ZPBP: variants seen among roughly 807,000 people sequenced by gnomAD.
The protein encoded by ZPBP is zona pellucida binding protein, also known as zona pellucida-binding protein 1.
ZPBP carries 26 observed loss-of-function variants against 44.8 expected under a neutral mutation model. The ratio of observed to expected loss-of-function variants is 0.58; its 90% CI spans 0.43 to 0.81. ZPBP has a LOEUF of 0.81. Among genes scored for constraint, ZPBP ranks in the 30% least tolerant of loss-of-function variants. ZPBP has a pLI of 0.00. For synonymous variants in ZPBP, 174 were observed against 153.2 expected (o/e 1.14, Z -1.00); for missense variants, 409 against 434.0 (o/e 0.94, Z 0.51).
At chr7:49,877,481 A>AAAAAAAAATATACATATATATATATAT in intron 2 of ZPBP, among the ~76,000 whole-genome samples, 3 of 12,726 alleles carry the variant, frequency 2.4e-4, no homozygotes, top group Admixed American at 1.4e-3. Context: ...AAAAAAAAAA[A>AAAAAAAAATATACATATATATATATAT]ATATATATAT....
chr7:49,849,162 G>A (rs1790076098), downstream of ZPBP, among the ~76,000 whole-genome samples: 1 of 152,078 alleles, frequency 6.6e-6, no homozygotes, highest in Admixed American at 6.5e-5. Flanking sequence ...ACAGTCCCAG[G>A]GAAACCCCAC....
intron 2 of ZPBP, among the ~76,000 whole-genome samples, chr7:49,856,388 CCTT>C (rs1481903442): frequency 6.6e-6 from 1 of 152,058 alleles, no homozygotes; most frequent in Admixed American, 6.5e-5. Flanking sequence ...TCCCTCTTCT[CCTT>C]CTGCCATGAT....
At chr7:50,039,815 C>T (rs1235614481) in intron 4 of ZPBP, among the ~76,000 whole-genome samples, 1 of 151,970 alleles carries the variant, frequency 6.6e-6, no homozygotes, top group Non-Finnish European at 1.5e-5. Context: ...TAGTTTGTAA[C>T]ATTTAAAGAT....
intron 1 of ZPBP, chr7:49,918,254 T>C (rs1184036343): frequency 1.3e-5 from 2 of 152,178 alleles, no homozygotes; most frequent in Non-Finnish European, 2.9e-5. Context: ...AGAGGCTGAG[T>C]TAAGAATCCA....
At chr7:49,929,881 G>C (rs1794388356) in intron 1 of ZPBP, among the ~76,000 whole-genome samples, 2 of 152,184 alleles carry the variant, frequency 1.3e-5, no homozygotes, top group Admixed American at 1.3e-4. Context: ...TTAAAGAGAT[G>C]ATTTGTATAA....
intron 1 of ZPBP, among the ~76,000 whole-genome samples, chr7:49,932,266 A>T (rs1255559364): frequency 6.6e-6 from 1 of 152,182 alleles, no homozygotes; most frequent in Non-Finnish European, 1.5e-5. Context: ...AGATTGCACC[A>T]TGCACCTGGA....
intron 7 of ZPBP, among the ~76,000 whole-genome samples, chr7:49,938,220 T>G (rs1794695716): frequency 6.6e-6 from 1 of 152,002 alleles, no homozygotes; most frequent in African/African-American, 2.4e-5. Flanking sequence ...ACTGTGTATT[T>G]TAGGTGGAAA....
rs34786165 is a variant in ZPBP at position 49,902,554 on chromosome 7, C to CAA, written n.412-1341_412-1340dup. Among the ~76,000 whole-genome samples the CAA allele has an allele frequency of 2.9e-3, 307 of 106,628 alleles. 1 individual carries two copies. The highest frequency in any genetic ancestry group is 9.1e-3 in the African/African-American group (238 of 26,132). 70.0% of individuals were successfully genotyped at this position (106,628 alleles called of 152,430 possible). A position where few individuals can be genotyped will look rare whatever the true frequency, so the allele number is the denominator to read the frequency against. On this transcript the variant is annotated intron_variant and non_coding_transcript_variant, in intron 1 of 2. Coordinates refer to the ZPBP transcript ENST00000465922. ...ACTGTAACAATTGGATATCCGTAGC[C>CAA]AAAAAAAAAAAAAAAGAATCTCAAA...
At chr7:49,965,309 T>C (rs981106838) in intron 7 of ZPBP, among the ~76,000 whole-genome samples, 5 of 152,038 alleles carry the variant, frequency 3.3e-5, no homozygotes, top group Non-Finnish European at 7.4e-5. Context: ...TGAAAGCAGA[T>C]ATCTCATTGG....
chr7:49,877,475 A>T (rs1156761739), intron 2 of ZPBP, among the ~76,000 whole-genome samples: 2 of 17,992 alleles, frequency 1.1e-4, no homozygotes, highest in South Asian at 1.9e-3. Flanking sequence ...AAAAAAAAAA[A>T]AAAAAAATAT....
intron 2 of ZPBP, among the ~76,000 whole-genome samples, chr7:49,868,970 ATAT>A (rs1791023232): frequency 6.6e-6 from 1 of 152,218 alleles, no homozygotes; most frequent in African/African-American, 2.4e-5. Flanking sequence ...TGTGTCAAAT[ATAT>A]GTACAATTTT....
chr7:49,863,575 G>A (rs1305411374), intron 2 of ZPBP, among the ~76,000 whole-genome samples: 3 of 152,096 alleles, frequency 2.0e-5, no homozygotes, highest in Non-Finnish European at 2.9e-5. Context: ...GGGACTACAG[G>A]TGTGCACCAC....
intron 2 of ZPBP, among the ~76,000 whole-genome samples, chr7:49,899,176 A>C (rs976583085): frequency 6.6e-6 from 1 of 152,030 alleles, no homozygotes; most frequent in Non-Finnish European, 1.5e-5. Flanking sequence ...GAAACCTTAG[A>C]TAGTATTGAA....
At chr7:49,950,915 G>A (rs1260106981) in intron 7 of ZPBP, among the ~76,000 whole-genome samples, 3 of 151,740 alleles carry the variant, frequency 2.0e-5, no homozygotes, top group Admixed American at 1.3e-4. Context: ...TACCACCAAT[G>A]AAACAGAATA....
chr7:49,981,657 TAAAA>T lies in ZPBP; in HGVS notation c.961+1681_961+1684del, dbSNP rs1562820448. ...TTATATATTATATAATATCTTGATATAAAATATATATTATATATTATATATAATA... is the reference window on the plus strand; with the variant it reads ...TTATATATTATATAATATCTTGATATTATATATTATATATTATATATAATA... On this transcript the variant is annotated intron_variant, in intron 7 of 7. Coordinates refer to ENST00000046087, the MANE Select transcript of ZPBP (RefSeq NM_007009.3). 9.3e-3 allele frequency among the ~76,000 whole-genome samples: 708 copies of T among 75,866 alleles called. 217 individuals carry two copies. Among genetic ancestry groups the T allele is most frequent in the African/African-American group, 0.033 (541 of 16,340 alleles). The allele number at this position is 75,866 out of a possible 152,430, so 49.8% of individuals were successfully genotyped here.
intron 4 of ZPBP, among the ~76,000 whole-genome samples, chr7:50,045,817 A>G (rs1645557682): frequency 6.6e-6 from 1 of 151,802 alleles, no homozygotes; most frequent in African/African-American, 2.4e-5. Flanking sequence ...ATATGGAACC[A>G]AAAAGGAGCC....
intron 6 of ZPBP, among the ~76,000 whole-genome samples, chr7:49,992,882 A>G (rs77011368): frequency 6.6e-6 from 1 of 152,242 alleles, no homozygotes; most frequent in East Asian, 1.9e-4. Context: ...CAAATAAATA[A>G]ATAAAATTGT....
At chr7:49,886,134 C>T (rs751456092) in intron 2 of ZPBP, among the ~76,000 whole-genome samples, 1 of 152,180 alleles carries the variant, frequency 6.6e-6, no homozygotes, top group Non-Finnish European at 1.5e-5. Context: ...CTGGGCTGGG[C>T]AAGTACAGAT....
chr7:49,841,733 C>T, the ZPBP span, among the ~76,000 whole-genome samples: 1 of 152,226 alleles, frequency 6.6e-6, no homozygotes, highest in Non-Finnish European at 1.5e-5. Flanking sequence ...CTTGTCCACA[C>T]ATTTCTTATA....
Sources: gnomAD v4.1 joint callset for allele counts (sites outside exome capture counted in the v4.1 genomes callset) on GRCh38, gnomAD v4.1.1 for gene constraint, MANE v1.5 for transcripts, NCBI Gene and HGNC (gene_info 2026-07-23, HGNC 2026-07-21) for gene names.